NRDE2: variants seen among roughly 807,000 people sequenced by gnomAD.
NRDE2 encodes the protein nuclear exosome regulator NRDE2.
In NRDE2, 76 loss-of-function variants were observed where a neutral mutation model predicts 124.2. The observed-to-expected ratio is 0.61, with a 90% CI of 0.51 to 0.74. The LOEUF (loss-of-function observed/expected upper bound fraction) is 0.74. Among genes scored for constraint, NRDE2 ranks in the 30% least tolerant of loss-of-function variants. The probability of loss-of-function intolerance (pLI) is 0.00; values close to 1 mark genes in which losing one functional copy is unlikely to be tolerated. For missense variants in NRDE2, 1,314 were observed against 1,417.3 expected, an observed-to-expected ratio of 0.93 and a Z score of 1.17; for synonymous variants, 489 against 528.1, an observed-to-expected ratio of 0.93 and a Z score of 1.01.
intron 4 of NRDE2, among the ~76,000 whole-genome samples, chr14:90,311,178 T>C (rs1884822715): frequency 6.6e-6 from 1 of 152,258 alleles, no homozygotes; most frequent in African/African-American, 2.4e-5. Context: ...AGATCTCCTC[T>C]TGGCTTTATA....
chr14:90,298,429 T>G, intron 7 of NRDE2, 49 bp from the exon 8 acceptor site: 2 of 1,608,104 alleles, frequency 1.2e-6, no homozygotes, highest in Non-Finnish European at 1.7e-6. Context: ...ATAAAACTGC[T>G]GAGTCAGTGG....
chr14:90,268,100 C>A lies in NRDE2; in HGVS notation c.*10236G>T. 1.4e-6 allele frequency: 1 copy of A among 693,834 alleles called. No individual in the cohort carries two copies. Among genetic ancestry groups the A allele is most frequent in the Non-Finnish European group, 2.3e-6 (1 of 427,846 alleles). 43.0% of individuals were successfully genotyped at this position (693,834 alleles called of 1,614,324 possible). ...GAATGTCGTGACACTTGAATTGGTG[C>A]CATGCCTTAGCATGAGGGCCCGCCT... On this transcript the variant is annotated 3_prime_UTR_variant, in exon 14 of 14. Coordinates refer to ENST00000354366, the MANE Select transcript of NRDE2 (RefSeq NM_017970.4).
At position 90,304,342 on chromosome 14, in the gene NRDE2, T is replaced by C. The variant is rs781502472; in HGVS notation, c.598A>G (p.Lys200Glu). ...KGDSCLGINP[K>E]KQCISWEGTS... ...CCTTCCCAAGATATGCACTGCTTCT[T>C]AGGGTTAATGCCAAGGCAGGAGTCT... The change falls in exon 5 of 14, where the codon AAG becomes GAG. Residue 200 changes from lysine to glutamate, a missense_variant. By Grantham distance (56) the Lys-to-Glu change is moderately conservative. Transcript: ENST00000354366. 3.7e-6 allele frequency: 6 copies of C among 1,613,600 alleles called. No homozygotes were observed. In the Admixed American group the frequency reaches 1.0e-4, roughly 27 times the overall value.
Position 90,301,417 on chromosome 14 carries a change from TAAAGGG to T in NRDE2, c.1412-51_1412-46del. The stretch of plus-strand genomic sequence containing the variant: ...GGGGAAGAAGCCTGGTTGATACCGT[TAAAGGG>T]AAAGAACCTAACTTCTCAAAACAGG... On this transcript the variant is annotated intron_variant, in intron 6 of 13. Coordinates refer to ENST00000354366, the MANE Select transcript of NRDE2 (RefSeq NM_017970.4). 5 of 1,595,448 alleles carry T rather than the reference TAAAGGG, an allele frequency of 3.1e-6. No homozygotes were observed. The African/African-American group carries it at 4.0e-5, about 13-fold the overall frequency.
chr14:90,310,467 C>T (rs977920171), intron 4 of NRDE2, among the ~76,000 whole-genome samples: 3 of 151,626 alleles, frequency 2.0e-5, no homozygotes, highest in Admixed American at 1.3e-4. Context: ...AGTGAAATAA[C>T]GCACACAGCA....
At chr14:90,331,734 T>G in intron 1 of NRDE2, 107 bp downstream of exon 1, 2 of 1,263,908 alleles carry the variant, frequency 1.6e-6, no homozygotes, top group Non-Finnish European at 2.3e-6. Context: ...CGGAGAACTC[T>G]GGGATACAAA....
chr14:90,295,493 C>G (rs1293966968), intron 8 of NRDE2, among the ~76,000 whole-genome samples: 1 of 152,058 alleles, frequency 6.6e-6, no homozygotes, highest in Non-Finnish European at 1.5e-5. Context: ...TTTAATCACC[C>G]TGAAAAACTC....
intron 5 of NRDE2, 102 bp from the exon 6 acceptor site, chr14:90,303,227 T>G: frequency 9.3e-7 from 1 of 1,075,478 alleles, no homozygotes; most frequent in Non-Finnish European, 1.3e-6. Context: ...GGGACTTTCT[T>G]AAACCACCAG....
chr14:90,279,814 C>G (rs1202307838), intron 12 of NRDE2: 3 of 152,432 alleles, frequency 2.0e-5, no homozygotes, highest in African/African-American at 7.2e-5. Flanking sequence ...ACAGCCCACA[C>G]GGGCAGCTCC....
At position 90,288,500 on chromosome 14, in the gene NRDE2, C is replaced by T. The variant is rs1033416934; in HGVS notation, c.2875G>A (p.Glu959Lys). The change falls in exon 11 of 14, where the codon GAA becomes AAA. Residue 959 changes from glutamate to lysine, a missense_variant. Physicochemically the swap from Glu to Lys is moderately conservative, Grantham distance 56 (BLOSUM62 1). Transcript: ENST00000354366. ...CTCGTGTGCATCAGTGTGATGGCTT[C>T]GAGAACACTGGTCCAACTCTGGGAG... ...ASSQSWTSVLEAITLMHTSLL... is the reference protein window; with the variant it reads ...ASSQSWTSVLKAITLMHTSLL... The T allele has an allele frequency of 5.6e-6, 9 of 1,614,006 alleles. 1 individual carries two copies. The East Asian group carries it at 8.9e-5, about 16-fold the overall frequency.
At chr14:90,285,651 G>A (rs1174086597) in intron 12 of NRDE2, among the ~76,000 whole-genome samples, 1 of 151,112 alleles carries the variant, frequency 6.6e-6, no homozygotes, top group African/African-American at 2.4e-5. Context: ...TTTTTTTTAA[G>A]AGACAAGGTC....
At chr14:90,304,839 G>T (rs1249507278) in intron 4 of NRDE2, among the ~76,000 whole-genome samples, 1 of 152,082 alleles carries the variant, frequency 6.6e-6, no homozygotes, top group African/African-American at 2.4e-5. Flanking sequence ...ATATTTTCCT[G>T]TGTCCCTACT....
intron 12 of NRDE2, among the ~76,000 whole-genome samples, chr14:90,284,504 TAC>T (rs1182833155): frequency 6.6e-6 from 1 of 152,076 alleles, no homozygotes; most frequent in Non-Finnish European, 1.5e-5. Flanking sequence ...TAGCTAGGAT[TAC>T]AGATGCCTGC....
intron 9 of NRDE2, among the ~76,000 whole-genome samples, chr14:90,291,390 A>C (rs924747092): frequency 6.6e-6 from 1 of 152,226 alleles, no homozygotes; most frequent in Non-Finnish European, 1.5e-5. Context: ...TTAAAAATAA[A>C]TTAGAAAGCT....
rs1404291346 is a variant in NRDE2 at position 90,303,139 on chromosome 14, A to G, written c.1006-14T>C. On this transcript the variant is annotated splice_polypyrimidine_tract_variant and intron_variant, in intron 5 of 13. Coordinates refer to ENST00000354366, the MANE Select transcript of NRDE2 (RefSeq NM_017970.4). ...CATGACCTCGTCCTCAACAACAAAA[A>G]CACCAATTTACAAATGCAAATGGAC... 3 of 1,595,262 alleles carry G rather than the reference A, an allele frequency of 1.9e-6. No homozygotes were observed. In the Admixed American group the frequency reaches 5.3e-5, roughly 28 times the overall value.
intron 3 of NRDE2, among the ~76,000 whole-genome samples, chr14:90,315,040 G>GGT (rs1884988798): frequency 6.6e-6 from 1 of 151,920 alleles, no homozygotes; most frequent in African/African-American, 2.4e-5. Context: ...AGCCGGGCGT[G>GGT]GTGGCACATG....
In NRDE2 at chr14:90,270,343, T is replaced by C. The variant is rs1738664118; in HGVS notation, c.*7993A>G. ...TGGCTAAAGATGACCTCTCTGGTGC[T>C]GACATCAAGGTGAGAGCCTAGCCGT... On this transcript the variant is annotated 3_prime_UTR_variant, in exon 14 of 14. Coordinates refer to ENST00000354366, the MANE Select transcript of NRDE2 (RefSeq NM_017970.4). The C allele has an allele frequency of 1.2e-6, 2 of 1,612,788 alleles. No individual in the cohort carries two copies. The highest frequency in any genetic ancestry group is 1.7e-5 in the Admixed American group (1 of 59,890).
In NRDE2 at chr14:90,275,982, T is replaced by C. The variant is rs1436687296; in HGVS notation, c.*2354A>G. ...CCCAGCAATCCTGTGCCAGAGGCAT[T>C]GCCACTGCTTCATTCCAGGAAAGAA... On this transcript the variant is annotated 3_prime_UTR_variant, in exon 14 of 14. Coordinates refer to ENST00000354366, the MANE Select transcript of NRDE2 (RefSeq NM_017970.4). 1 of 152,318 alleles carries C rather than the reference T, an allele frequency of 6.6e-6. No homozygotes were observed. The highest frequency in any genetic ancestry group is 1.5e-5 in the Non-Finnish European group (1 of 68,140). The allele number at this position is 152,318 out of a possible 1,614,324, so 9.4% of individuals were successfully genotyped here.
chr14:90,289,737 G>A (rs1170425295), intron 10 of NRDE2, among the ~76,000 whole-genome samples: 2 of 152,190 alleles, frequency 1.3e-5, no homozygotes, highest in African/African-American at 4.8e-5. Flanking sequence ...ACAGGCACAC[G>A]CCACAACGCC....
Sources: gnomAD v4.1 joint callset for allele counts (sites outside exome capture counted in the v4.1 genomes callset) on GRCh38, gnomAD v4.1.1 for gene constraint, MANE v1.5 for transcripts, NCBI Gene and HGNC (gene_info 2026-07-23, HGNC 2026-07-21) for gene names.